MPPED2: variants seen among roughly 807,000 people sequenced by gnomAD.
MPPED2 encodes the protein metallophosphoesterase MPPED2.
In MPPED2, 5 loss-of-function variants were observed where a neutral mutation model predicts 33.0. That is an observed-to-expected ratio of 0.15 (90% confidence interval 0.08 to 0.32). MPPED2 has a LOEUF of 0.32. Ranked by LOEUF, MPPED2 falls within the 10% of genes least tolerant of loss-of-function variation. The pLI is 1.00. For missense variants in MPPED2, 275 were observed against 372.1 expected, an observed-to-expected ratio of 0.74 and a Z score of 2.15; for synonymous variants, 136 against 141.9, an observed-to-expected ratio of 0.96 and a Z score of 0.29.
chr11:30,456,680 G>A (rs1372201101), intron 4 of MPPED2, among the ~76,000 whole-genome samples: 1 of 152,106 alleles, frequency 6.6e-6, no homozygotes. Flanking sequence ...CAAATAGAAA[G>A]AGGACTAAAA....
chr11:30,482,110 T>C (rs527255276), intron 4 of MPPED2, among the ~76,000 whole-genome samples: 36 of 152,022 alleles, frequency 2.4e-4, no homozygotes, highest in African/African-American at 8.2e-4. Context: ...ACTGTAAAAA[T>C]AAAACTTACC....
intron 3 of MPPED2, among the ~76,000 whole-genome samples, chr11:30,498,065 G>T (rs78553336): frequency 3.1e-5 from 4 of 129,948 alleles, no homozygotes; most frequent in Non-Finnish European, 6.2e-5. Context: ...CGGCATTTTC[G>T]TTGTTTTTTT....
At chr11:30,564,403 G>A (rs966571177) in intron 2 of MPPED2, among the ~76,000 whole-genome samples, 1 of 152,130 alleles carries the variant, frequency 6.6e-6, no homozygotes, top group Non-Finnish European at 1.5e-5. Context: ...AGAAAATTTG[G>A]TAGGTACTAT....
At chr11:30,516,589 C>T (rs925397986) in intron 3 of MPPED2, among the ~76,000 whole-genome samples, 1 of 152,118 alleles carries the variant, frequency 6.6e-6, no homozygotes, top group Non-Finnish European at 1.5e-5. Context: ...ATTCTAAGAA[C>T]ATTTATTAAC....
At position 30,574,126 on chromosome 11, in the gene MPPED2, C is replaced by G. The variant is rs369353549; in HGVS notation, c.128+6120G>C. Among the ~76,000 whole-genome samples, 68 of 152,224 alleles carry G rather than the reference C, an allele frequency of 4.5e-4. No individual in the cohort carries two copies. The South Asian group carries it at 0.013, about 30-fold the overall frequency. On this transcript the variant is annotated intron_variant, in intron 2 of 6. Coordinates refer to ENST00000358117, the MANE Select transcript of MPPED2 (RefSeq NM_001584.3). The stretch of plus-strand genomic sequence containing the variant: ...AGCCTACAGTAGTGTTTAGTAATGT[C>G]CTAGGCCTTCACATTTACTCACCGC...
At chr11:30,489,503 C>A (rs1165220214) in intron 4 of MPPED2, among the ~76,000 whole-genome samples, 1 of 152,216 alleles carries the variant, frequency 6.6e-6, no homozygotes, top group Non-Finnish European at 1.5e-5. Context: ...GAAGGGAAAA[C>A]AAATCCTGCT....
At chr11:30,421,129 G>T (rs893207266) in intron 4 of MPPED2, among the ~76,000 whole-genome samples, 3 of 152,170 alleles carry the variant, frequency 2.0e-5, no homozygotes, top group African/African-American at 7.2e-5. Flanking sequence ...TGATTTTGCT[G>T]TCAGCGAGGA....
chr11:30,449,119 C>T (rs1421120131), intron 4 of MPPED2, among the ~76,000 whole-genome samples: 1 of 152,076 alleles, frequency 6.6e-6, no homozygotes, highest in East Asian at 1.9e-4. Context: ...TATTTTATTC[C>T]TTAATCTATA....
At chr11:30,411,848 A>T (rs1948118115) in intron 6 of MPPED2, among the ~76,000 whole-genome samples, 1 of 151,982 alleles carries the variant, frequency 6.6e-6, no homozygotes, top group Non-Finnish European at 1.5e-5. Context: ...AAGGGCTGTG[A>T]TTTCTTTACT....
At chr11:30,570,818 C>T (rs1029649113) in intron 2 of MPPED2, among the ~76,000 whole-genome samples, 10 of 152,102 alleles carry the variant, frequency 6.6e-5, no homozygotes, top group Admixed American at 5.9e-4. Flanking sequence ...GGCCCAAATA[C>T]CTAAAGCCAA....
intron 4 of MPPED2, among the ~76,000 whole-genome samples, chr11:30,432,440 ACTTCTTT>A (rs1949122470): frequency 3.3e-5 from 5 of 151,228 alleles, no homozygotes; most frequent in Admixed American, 3.3e-4. Flanking sequence ...GTTATAGTTT[ACTTCTTT>A]ATAGCTTTCA....
chr11:30,510,388 TAC>T (rs1205433114), intron 3 of MPPED2, among the ~76,000 whole-genome samples: 5 of 152,222 alleles, frequency 3.3e-5, no homozygotes, highest in Non-Finnish European at 5.9e-5. Flanking sequence ...TCTTCCATGA[TAC>T]TAACATCACA....
intron 6 of MPPED2, among the ~76,000 whole-genome samples, chr11:30,394,370 C>T (rs1292659795): frequency 6.6e-6 from 1 of 152,128 alleles, no homozygotes; most frequent in East Asian, 1.9e-4. Context: ...GAGGCTCTAC[C>T]ATTTTTCATT....
At chr11:30,457,910 T>C (rs1177234087) in intron 4 of MPPED2, among the ~76,000 whole-genome samples, 2 of 152,154 alleles carry the variant, frequency 1.3e-5, no homozygotes, top group Non-Finnish European at 2.9e-5. Flanking sequence ...CCTAACACAT[T>C]AAATTCCTAA....
intron 1 of MPPED2, among the ~76,000 whole-genome samples, chr11:30,582,184 C>G (rs1957197255): frequency 6.6e-6 from 1 of 152,142 alleles, no homozygotes; most frequent in African/African-American, 2.4e-5. Context: ...TACTGTAATT[C>G]TCTTTTGAGA....
downstream of MPPED2, among the ~76,000 whole-genome samples, chr11:30,407,204 C>G (rs1475711845): frequency 6.6e-6 from 1 of 152,168 alleles, no homozygotes; most frequent in African/African-American, 2.4e-5. Context: ...TCAGCAACCT[C>G]CCAACATAAG....
intron 2 of MPPED2, among the ~76,000 whole-genome samples, chr11:30,558,252 C>T (rs1956077420): frequency 6.6e-6 from 1 of 152,054 alleles, no homozygotes; most frequent in Admixed American, 6.6e-5. Flanking sequence ...ACACTTCAAA[C>T]CCAATAGTCG....
At chr11:30,416,171 G>C (rs1207890478) in intron 5 of MPPED2, among the ~76,000 whole-genome samples, 1 of 152,252 alleles carries the variant, frequency 6.6e-6, no homozygotes, top group African/African-American at 2.4e-5. Context: ...AAAAGCATGG[G>C]AATGGTGATT....
chr11:30,526,414 A>T (rs1270069972), intron 3 of MPPED2, among the ~76,000 whole-genome samples: 1 of 152,196 alleles, frequency 6.6e-6, no homozygotes, highest in African/African-American at 2.4e-5. Flanking sequence ...TAACTCTAGG[A>T]TGGTTGCTAG....
Sources: gnomAD v4.1 joint callset for allele counts (sites outside exome capture counted in the v4.1 genomes callset) on GRCh38, gnomAD v4.1.1 for gene constraint, MANE v1.5 for transcripts, NCBI Gene and HGNC (gene_info 2026-07-23, HGNC 2026-07-21) for gene names.